The following CSMD1 variants were observed in gnomAD, a reference collection of about 807,000 sequenced individuals.
The protein encoded by CSMD1 is CUB and sushi domain-containing protein 1.
CSMD1 carries 213 observed loss-of-function variants against 417.5 expected under a neutral mutation model. The ratio of observed to expected loss-of-function variants is 0.51; its 90% confidence interval spans 0.46 to 0.57. The LOEUF (loss-of-function observed/expected upper bound fraction) is 0.57, where lower values mean the gene tolerates loss of function less well. CSMD1 is among the 20% of genes least tolerant of loss of function. The pLI is 0.00. For missense variants in CSMD1, 6,923 were observed against 4,529.7 expected (o/e 1.53, Z -15.17); for synonymous variants, 2,862 against 1,736.8 (o/e 1.65, Z -16.11).
chr8:4,637,712 G>T (rs576889725), intron 1 of CSMD1, among the ~76,000 whole-genome samples, 154 bp from the exon 2 acceptor site: 2 of 127,720 alleles, frequency 1.6e-5, no homozygotes, highest in Non-Finnish European at 3.1e-5. Flanking sequence ...CGCCCAGGCC[G>T]GACTGCGGAC....
chr8:4,428,070 G>A (rs770426800), intron 2 of CSMD1, among the ~76,000 whole-genome samples: 12 of 152,100 alleles, frequency 7.9e-5, no homozygotes, highest in South Asian at 2.1e-4. Context: ...TACATGTCTC[G>A]TTTTCATATC....
chr8:4,062,160 A>G (rs547626713), intron 3 of CSMD1, among the ~76,000 whole-genome samples: 3 of 152,096 alleles, frequency 2.0e-5, no homozygotes, highest in Non-Finnish European at 2.9e-5. Flanking sequence ...CTGATACCAG[A>G]AACACGCAAG....
chr8:4,350,632 G>C (rs1204696823), intron 3 of CSMD1, among the ~76,000 whole-genome samples: 2 of 152,194 alleles, frequency 1.3e-5, no homozygotes, highest in East Asian at 1.9e-4. Flanking sequence ...CAATGGGCTA[G>C]AGAATTGCGA....
At chr8:3,311,536 C>G (rs1328429724) in intron 23 of CSMD1, among the ~76,000 whole-genome samples, 1 of 152,140 alleles carries the variant, frequency 6.6e-6, no homozygotes, top group African/African-American at 2.4e-5. Context: ...AAGCATGAGT[C>G]TAATCAGCTA....
chr8:3,302,615 C>G (rs954340050), intron 25 of CSMD1, among the ~76,000 whole-genome samples: 4 of 152,222 alleles, frequency 2.6e-5, no homozygotes, highest in Non-Finnish European at 5.9e-5. Context: ...CACAACTACC[C>G]TCTTTGCTGT....
intron 7 of CSMD1, among the ~76,000 whole-genome samples, chr8:3,644,019 G>C (rs1341479360): frequency 1.3e-5 from 2 of 152,140 alleles, no homozygotes; most frequent in African/African-American, 4.8e-5. Flanking sequence ...AAAACAACTG[G>C]AAACAAACAT....
intron 26 of CSMD1, among the ~76,000 whole-genome samples, chr8:3,253,149 T>G (rs1241553441): frequency 6.6e-6 from 1 of 152,184 alleles, no homozygotes; most frequent in East Asian, 1.9e-4. Flanking sequence ...CTTTCCTGCT[T>G]TCTCTTGTGG....
At chr8:3,028,744 T>C (rs1275973301) in intron 51 of CSMD1, among the ~76,000 whole-genome samples, 1 of 152,262 alleles carries the variant, frequency 6.6e-6, no homozygotes, top group Non-Finnish European at 1.5e-5. Flanking sequence ...CTTGTTTTTA[T>C]GCATGATAAT....
At chr8:3,912,101 C>G (rs1808500571) in intron 5 of CSMD1, among the ~76,000 whole-genome samples, 1 of 152,108 alleles carries the variant, frequency 6.6e-6, no homozygotes, top group South Asian at 2.1e-4. Flanking sequence ...ATAAATATAA[C>G]AGCTTGTCCA....
At chr8:3,931,430 C>A (rs889270389) in intron 5 of CSMD1, among the ~76,000 whole-genome samples, 2 of 150,418 alleles carry the variant, frequency 1.3e-5, no homozygotes, top group African/African-American at 2.5e-5. Context: ...AAAAAAAAAT[C>A]TTTCAATCCA....
At chr8:3,065,324 C>T (rs1048274784) in intron 49 of CSMD1, among the ~76,000 whole-genome samples, 2 of 151,124 alleles carry the variant, frequency 1.3e-5, no homozygotes, top group South Asian at 2.1e-4. Context: ...GATAGACAGA[C>T]AGACAACAGA....
chr8:4,755,728 G>C (rs1159058862), intron 1 of CSMD1, among the ~76,000 whole-genome samples: 3 of 152,162 alleles, frequency 2.0e-5, no homozygotes, highest in Non-Finnish European at 4.4e-5. Flanking sequence ...TCCGTTTTCT[G>C]TATGTAGAGT....
At chr8:3,445,408 G>A (rs911882190) in intron 12 of CSMD1, among the ~76,000 whole-genome samples, 21 of 152,128 alleles carry the variant, frequency 1.4e-4, no homozygotes, top group African/African-American at 5.1e-4. Flanking sequence ...ATATGACTGT[G>A]CCTACTTGCA....
At chr8:4,361,129 C>A (rs1584956019) in intron 3 of CSMD1, among the ~76,000 whole-genome samples, 1 of 152,116 alleles carries the variant, frequency 6.6e-6, no homozygotes. Flanking sequence ...GTCACTGAAT[C>A]TCTGAGCTGA....
intron 3 of CSMD1, among the ~76,000 whole-genome samples, chr8:4,101,999 G>C (rs759517295): frequency 6.6e-6 from 1 of 152,182 alleles, no homozygotes; most frequent in Non-Finnish European, 1.5e-5. Flanking sequence ...TGGGGACCCG[G>C]CAATAGCTGA....
chr8:3,681,025 G>C (rs1038119250), intron 7 of CSMD1, among the ~76,000 whole-genome samples: 1 of 152,126 alleles, frequency 6.6e-6, no homozygotes, highest in Non-Finnish European at 1.5e-5. Flanking sequence ...ATTAGGTATT[G>C]ATGGGACGTA....
intron 10 of CSMD1, among the ~76,000 whole-genome samples, chr8:3,526,378 G>A (rs947220206): frequency 1.3e-5 from 2 of 151,896 alleles, no homozygotes; most frequent in African/African-American, 2.4e-5. Flanking sequence ...GAGTAATAAC[G>A]TCTTCTTCAA....
chr8:4,872,250 CTGTG>C (rs766345037), intron 1 of CSMD1, among the ~76,000 whole-genome samples: 19 of 152,030 alleles, frequency 1.2e-4, no homozygotes, highest in Admixed American at 4.6e-4. Flanking sequence ...TCCTTTTTCT[CTGTG>C]TGTGTTTTTG....
intron 10 of CSMD1, among the ~76,000 whole-genome samples, chr8:3,539,745 C>G (rs1208248128): frequency 4.2e-5 from 6 of 141,712 alleles, no homozygotes; most frequent in Admixed American, 7.1e-5. Flanking sequence ...ACAAGAATCT[C>G]TAGCCCTTTC....
Sources: gnomAD v4.1 joint callset for allele counts (sites outside exome capture counted in the v4.1 genomes callset) on GRCh38, gnomAD v4.1.1 for gene constraint, MANE v1.5 for transcripts, NCBI Gene and HGNC (gene_info 2026-07-23, HGNC 2026-07-21) for gene names.